Variants in GALNTL6 observed in about 807,000 individuals in gnomAD.
The protein encoded by GALNTL6 is polypeptide N-acetylgalactosaminyltransferase-like 6.
In GALNTL6, 46 loss-of-function variants were observed where a neutral mutation model predicts 73.7. The ratio of observed to expected loss-of-function variants is 0.62; its 90% confidence interval spans 0.49 to 0.80. GALNTL6 has a LOEUF of 0.80. Ranked by LOEUF, GALNTL6 falls within the 30% of genes least tolerant of loss-of-function variation. GALNTL6 has a pLI of 0.00. For missense variants in GALNTL6, 604 were observed against 755.0 expected, an observed-to-expected ratio of 0.80 and a Z score of 2.34; for synonymous variants, 259 against 263.7, an observed-to-expected ratio of 0.98 and a Z score of 0.17.
At chr4:172,537,654 TTTTTTATA>T (rs1367147362) in intron 5 of GALNTL6, among the ~76,000 whole-genome samples, 1 of 152,224 alleles carries the variant, frequency 6.6e-6, no homozygotes, top group Non-Finnish European at 1.5e-5. Flanking sequence ...GTCTAAGTTT[TTTTTTATA>T]TTTGTGTTAT....
rs574535753 is a variant in GALNTL6, at chr4:171,988,120, C to T, written c.138+173402C>T. Among the ~76,000 whole-genome samples the T allele has an allele frequency of 2.6e-3, 400 of 152,202 alleles. 2 individuals are homozygous for T. Among genetic ancestry groups the T allele is most frequent in the Non-Finnish European group, 5.0e-3 (342 of 68,014 alleles). ...TATTAAAGCAGCAGCAGCCACTGCA[C>T]GCAGACATGAGGGCTAGGCTAAAAC... On this transcript the variant is annotated intron_variant, in intron 2 of 12. Transcript: ENST00000506823.
rs1734467414 is a variant in GALNTL6, at chr4:171,814,492, G to T, written c.-89G>T. The T allele has an allele frequency of 2.1e-6, 3 of 1,410,606 alleles. No homozygotes were observed. The highest frequency in any genetic ancestry group is 2.9e-5 in the African/African-American group (2 of 69,532). The allele number at this position is 1,410,606 out of a possible 1,614,324, so 87.4% of individuals were successfully genotyped here. On this transcript the variant is annotated 5_prime_UTR_variant, in exon 2 of 13. Transcript: ENST00000506823. ...GTAGCTTCTCAGTTTCTGGTGCTTCGCAGGGGAGAGGAAAGGAATTTGACA... is the reference window on the plus strand; with the variant it reads ...GTAGCTTCTCAGTTTCTGGTGCTTCTCAGGGGAGAGGAAAGGAATTTGACA...
chr4:172,001,973 C>T (rs972197267), intron 2 of GALNTL6, among the ~76,000 whole-genome samples: 2 of 152,134 alleles, frequency 1.3e-5, no homozygotes, highest in Non-Finnish European at 1.5e-5. Context: ...CTAACTGCAA[C>T]AGACACATTT....
At chr4:172,885,055 G>T (rs1421428180) in intron 8 of GALNTL6, among the ~76,000 whole-genome samples, 1 of 152,080 alleles carries the variant, frequency 6.6e-6, no homozygotes. Context: ...ATCAAGTAAT[G>T]GGATGACTCC....
intron 11 of GALNTL6, among the ~76,000 whole-genome samples, chr4:173,010,135 C>T (rs1242148435): frequency 2.6e-5 from 4 of 152,102 alleles, no homozygotes; most frequent in African/African-American, 7.2e-5. Context: ...AGCATCCCCA[C>T]CTCCCACTCC....
chr4:172,635,117 A>T (rs1739607976), intron 5 of GALNTL6, among the ~76,000 whole-genome samples: 2 of 152,192 alleles, frequency 1.3e-5, no homozygotes, highest in Non-Finnish European at 2.9e-5. Context: ...ATGAAGCACT[A>T]AGAAATCAGT....
chr4:172,595,734 C>G (rs1455133), intron 5 of GALNTL6, among the ~76,000 whole-genome samples: 47,680 of 151,830 alleles, frequency 0.31, 7,964 homozygotes, highest in Middle Eastern at 0.47. Flanking sequence ...GCATTATTAT[C>G]TTGGATATAA....
intron 2 of GALNTL6, among the ~76,000 whole-genome samples, chr4:172,101,718 A>T (rs1420929389): frequency 6.6e-6 from 1 of 152,108 alleles, no homozygotes; most frequent in Non-Finnish European, 1.5e-5. Flanking sequence ...ATTTTAAAAC[A>T]ATTTATATTA....
chr4:172,897,818 T>C (rs1458495298), intron 8 of GALNTL6, among the ~76,000 whole-genome samples: 2 of 152,214 alleles, frequency 1.3e-5, no homozygotes, highest in African/African-American at 4.8e-5. Flanking sequence ...TTGCCTTCTA[T>C]TTTGCCATTT....
At chr4:172,816,716 T>C (rs1239003572) in intron 7 of GALNTL6, among the ~76,000 whole-genome samples, 1 of 152,162 alleles carries the variant, frequency 6.6e-6, no homozygotes, top group Non-Finnish European at 1.5e-5. Flanking sequence ...GGGATCCTGT[T>C]TTTCAACAAA....
At chr4:172,370,419 A>G (rs916115136) in intron 5 of GALNTL6, among the ~76,000 whole-genome samples, 1 of 151,950 alleles carries the variant, frequency 6.6e-6, no homozygotes, top group African/African-American at 2.4e-5. Context: ...AGGTCAGGAG[A>G]TTGAGACCAT....
chr4:172,197,398 A>G (rs1358523990), intron 2 of GALNTL6, among the ~76,000 whole-genome samples: 5 of 152,190 alleles, frequency 3.3e-5, no homozygotes, highest in East Asian at 3.9e-4. Flanking sequence ...TGCTATTCCC[A>G]TTAAACTACC....
intron 4 of GALNTL6, among the ~76,000 whole-genome samples, chr4:172,341,762 C>T: frequency 6.6e-6 from 1 of 152,152 alleles, no homozygotes; most frequent in Non-Finnish European, 1.5e-5. Context: ...TGTGAAGCTT[C>T]CCCAACCATA....
At chr4:172,989,072 A>T (rs2126451162) in intron 10 of GALNTL6, among the ~76,000 whole-genome samples, 1 of 152,326 alleles carries the variant, frequency 6.6e-6, no homozygotes, top group East Asian at 1.9e-4. Flanking sequence ...CTATGAGAAG[A>T]GGGCCACTGT....
chr4:172,678,393 T>G (rs1732430162), intron 5 of GALNTL6, among the ~76,000 whole-genome samples: 1 of 151,512 alleles, frequency 6.6e-6, no homozygotes, highest in African/African-American at 2.4e-5. Flanking sequence ...TTGTACAGGC[T>G]GGAGTGCAAT....
chr4:172,808,037 G>A (rs913244598), intron 5 of GALNTL6, among the ~76,000 whole-genome samples: 22 of 152,232 alleles, frequency 1.4e-4, no homozygotes, highest in African/African-American at 4.1e-4. Context: ...CGGTCAGGCT[G>A]GTCTTGAACT....
At chr4:172,052,900 CA>C (rs959205500) in intron 2 of GALNTL6, among the ~76,000 whole-genome samples, 17 of 152,024 alleles carry the variant, frequency 1.1e-4, no homozygotes, top group Non-Finnish European at 1.3e-4. Context: ...AAACAAAAAA[CA>C]AAAAAACTAA....
chr4:172,770,608 A>G (rs10025150), intron 5 of GALNTL6, among the ~76,000 whole-genome samples: 72,929 of 152,020 alleles, frequency 0.48, 18,326 homozygotes, highest in African/African-American at 0.63. Context: ...TCATTTTTCC[A>G]ATTGCAAATG....
chr4:172,353,842 TG>T (rs1488956993), intron 5 of GALNTL6, among the ~76,000 whole-genome samples: 1 of 152,110 alleles, frequency 6.6e-6, no homozygotes, highest in Non-Finnish European at 1.5e-5. Flanking sequence ...GGGCTGAAAG[TG>T]TTTTTAAATC....
Sources: gnomAD v4.1 joint callset for allele counts (sites outside exome capture counted in the v4.1 genomes callset) on GRCh38, gnomAD v4.1.1 for gene constraint, MANE v1.5 for transcripts, NCBI Gene and HGNC (gene_info 2026-07-23, HGNC 2026-07-21) for gene names.